The following ING5 variants were observed in gnomAD, a reference collection of about 807,000 sequenced individuals.
The protein encoded by ING5 is inhibitor of growth protein 5.
A neutral mutation model predicts 37.4 loss-of-function variants in ING5; 17 were observed. That is an observed-to-expected ratio of 0.45 (90% confidence interval 0.31 to 0.68). ING5 has a LOEUF of 0.68. ING5 is among the 30% of genes least tolerant of loss of function. ING5 has a pLI of 0.05. For synonymous variants in ING5, 123 were observed against 116.6 expected, an observed-to-expected ratio of 1.06 and a Z score of -0.36; for missense variants, 233 against 311.9, an observed-to-expected ratio of 0.75 and a Z score of 1.91.
At chr2:241,694,513 A>T (rs529458137) in intron 2 of ING5, among the ~76,000 whole-genome samples, 2 of 151,978 alleles carry the variant, frequency 1.3e-5, no homozygotes, top group East Asian at 1.9e-4. Flanking sequence ...CAAATATGTT[A>T]AAAAAAAGTT....
At chr2:241,718,468 G>GTGC (rs2070341194) in intron 5 of ING5, among the ~76,000 whole-genome samples, 1 of 144,274 alleles carries the variant, frequency 6.9e-6, no homozygotes. Context: ...CCAGGCTGGA[G>GTGC]TGCACTGGTA....
upstream of ING5, among the ~76,000 whole-genome samples, chr2:241,701,210 C>G (rs74644089): frequency 0.13 from 19,437 of 151,396 alleles, 1,530 homozygotes; most frequent in East Asian, 0.4. Flanking sequence ...GTGATCCGCC[C>G]GCCTCGGCCT....
At chr2:241,701,948 C>T, upstream of ING5, 1 of 557,446 alleles carries the variant, frequency 1.8e-6, no homozygotes, top group Non-Finnish European at 2.6e-6. Context: ...ACCCCGCCCC[C>T]GGGCGCGACC....
rs1018566688 is a variant in ING5, at chr2:241,721,444, T to A, written c.483-1495T>A. The A allele has an allele frequency of 1.1e-5, 11 of 985,524 alleles. No homozygotes were observed. The African/African-American group carries it at 1.2e-4, about 11-fold the overall frequency. 61.0% of individuals were successfully genotyped at this position (985,524 alleles called of 1,614,324 possible). The stretch of plus-strand genomic sequence containing the variant: ...GGACAGACTTAGGTGGGCGCCCCTG[T>A]GCCAGAGGGCAGCGGGGAGGCCGGG... On this transcript the variant is annotated intron_variant, in intron 5 of 7. Coordinates refer to ENST00000313552, the MANE Select transcript of ING5 (RefSeq NM_032329.6).
rs532133254 is a variant in ING5 at position 241,712,951 on chromosome 2, C to T, written c.482+880C>T. Reference sequence around the variant, plus strand: ...GCTGAGCTGGGAGGATCATGAGCCACGATCGCACCACTACATTCCAGCCTG... The same window carrying T: ...GCTGAGCTGGGAGGATCATGAGCCATGATCGCACCACTACATTCCAGCCTG... On this transcript the variant is annotated intron_variant, in intron 5 of 7. Coordinates refer to ENST00000313552, the MANE Select transcript of ING5 (RefSeq NM_032329.6). 1.0e-4 allele frequency among the ~76,000 whole-genome samples: 15 copies of T among 149,288 alleles called. 1 individual carries two copies. The South Asian group carries it at 1.9e-3, about 19-fold the overall frequency.
chr2:241,709,436 C>G, intron 3 of ING5, 54 bp downstream of exon 3: 6 of 1,517,134 alleles, frequency 4.0e-6, no homozygotes, highest in Non-Finnish European at 3.6e-6. Context: ...TCCTGCCTCT[C>G]ATGCAACAAA....
intron 2 of ING5, among the ~76,000 whole-genome samples, chr2:241,693,951 G>A (rs1420225103): frequency 1.3e-5 from 2 of 151,698 alleles, no homozygotes; most frequent in Non-Finnish European, 1.5e-5. Context: ...GAGCCACCGC[G>A]CCTGGCCCTC....
chr2:241,702,218 C>T (rs1173466771), intron 1 of ING5, 116 bp downstream of exon 1: 2 of 355,148 alleles, frequency 5.6e-6, no homozygotes, highest in Non-Finnish European at 3.9e-6. Context: ...GCGGCGGGCG[C>T]GGCCGGGCGC....
At chr2:241,718,272 C>T (rs1159002198) in intron 5 of ING5, among the ~76,000 whole-genome samples, 1 of 151,914 alleles carries the variant, frequency 6.6e-6, no homozygotes, top group Non-Finnish European at 1.5e-5. Context: ...CTCAGCCTCT[C>T]ACCTTCCCTT....
At chr2:241,722,853 AG>A in intron 5 of ING5, 85 bp from the exon 6 acceptor site, 1 of 1,576,980 alleles carries the variant, frequency 6.3e-7, no homozygotes, top group Non-Finnish European at 8.6e-7. Flanking sequence ...GGGGGCCTTA[AG>A]TCAGAGACAG....
chr2:241,721,437 GC>G, intron 5 of ING5: 1 of 985,614 alleles, frequency 1.0e-6, no homozygotes, highest in Non-Finnish European at 1.2e-6. Flanking sequence ...TTAGGTGGGC[GC>G]CCCTGTGCCA....
rs180925094 is a variant in ING5 at position 241,693,454 on chromosome 2, G to A, written c.43+2801G>A. Among the ~76,000 whole-genome samples the A allele has an allele frequency of 5.5e-4, 84 of 151,700 alleles. 1 individual carries two copies. The Middle Eastern group carries it at 0.01, about 18-fold the overall frequency. ...TCCTTGCAGGTAGATGTGGCATGTG[G>A]ACCTTCACACAGCAGGCTTGCATCC... is the stretch of plus-strand genomic sequence containing the variant. On this transcript the variant is annotated intron_variant, in intron 2 of 7. Transcript: ENST00000636051.
chr2:241,705,136 G>A (rs540195550), intron 2 of ING5, among the ~76,000 whole-genome samples: 2 of 152,130 alleles, frequency 1.3e-5, no homozygotes, highest in African/African-American at 2.4e-5. Flanking sequence ...GTGCAGTGAC[G>A]TGATCTCAGC....
rs745387056 is a variant in ING5, at chr2:241,714,598, CT to C, written c.482+2539del. Among the ~76,000 whole-genome samples, 427 of 143,822 alleles carry C rather than the reference CT, an allele frequency of 3.0e-3. 3 individuals carry two copies. The highest frequency in any genetic ancestry group is 7.4e-3 in the Middle Eastern group (2 of 270). 94.4% of individuals were successfully genotyped at this position (143,822 alleles called of 152,430 possible). A position where few individuals can be genotyped will look rare whatever the true frequency, so the allele number is the denominator to read the frequency against. ...ATGTTTCTCTCATTTTGTCTTGATC[CT>C]TTTTTTTTTTTCCCTGAGGGCAGGG... is the stretch of plus-strand genomic sequence containing the variant. On this transcript the variant is annotated intron_variant, in intron 5 of 7. Transcript: ENST00000313552.
At chr2:241,717,579 C>T (rs1018864071) in intron 5 of ING5, among the ~76,000 whole-genome samples, 1 of 151,414 alleles carries the variant, frequency 6.6e-6, no homozygotes, top group Non-Finnish European at 1.5e-5. Context: ...TATTTCACTG[C>T]GTATAGAATT....
At chr2:241,719,879 C>G in intron 5 of ING5, 1 of 1,361,934 alleles carries the variant, frequency 7.3e-7, no homozygotes, top group Non-Finnish European at 9.4e-7. Flanking sequence ...CCAGTAGTGA[C>G]AGATGAGAAG....
chr2:241,711,097 C>A (rs1559306020), intron 3 of ING5, among the ~76,000 whole-genome samples: 1 of 152,188 alleles, frequency 6.6e-6, no homozygotes, highest in Non-Finnish European at 1.5e-5. Flanking sequence ...ATATCCCAGG[C>A]CTTGTTCACT....
At chr2:241,720,091 G>A in intron 5 of ING5, 1 of 1,242,214 alleles carries the variant, frequency 8.1e-7, no homozygotes, top group Non-Finnish European at 1.0e-6. Flanking sequence ...GGGACAGGAG[G>A]ATGGTGCAGG....
chr2:241,701,995 G>T, upstream of ING5: 1 of 1,167,554 alleles, frequency 8.6e-7, no homozygotes, highest in South Asian at 2.2e-5. Context: ...TGAGCGCGCT[G>T]GCACCGCCCC....
Sources: allele counts gnomAD v4.1 joint callset (sites outside exome capture counted in the v4.1 genomes callset), GRCh38; gene constraint gnomAD v4.1.1; transcripts MANE v1.5; gene names NCBI Gene and HGNC (gene_info 2026-07-23, HGNC 2026-07-21).